The following EML1 variants were observed in gnomAD, a reference collection of about 807,000 sequenced individuals.
EML1 encodes EMAP like 1, also known as echinoderm microtubule-associated protein-like 1.
A neutral mutation model predicts 110.4 loss-of-function variants in EML1; 27 were observed. That is an observed-to-expected ratio of 0.24 (90% CI 0.18 to 0.34). EML1 has a LOEUF of 0.34. EML1 is among the 10% of genes least tolerant of loss of function. The probability of loss-of-function intolerance (pLI) is 1.00; values close to 1 mark genes in which losing one functional copy is unlikely to be tolerated. For synonymous variants in EML1, 344 were observed against 385.8 expected (o/e 0.89, Z 1.27); for missense variants, 741 against 1,030.9 (o/e 0.72, Z 3.85).
At chr14:99,923,723 G>GT (rs1457110481) in intron 17 of EML1, among the ~76,000 whole-genome samples, 2 of 79,268 alleles carry the variant, frequency 2.5e-5, no homozygotes, top group African/African-American at 4.2e-4. Context: ...CAAATTTGTT[G>GT]TTTTTTTCAA....
At chr14:99,756,602 G>A (rs575869317) in intron 1 of EML1, among the ~76,000 whole-genome samples, 9 of 152,276 alleles carry the variant, frequency 5.9e-5, no homozygotes, top group East Asian at 1.9e-4. Context: ...TGGGGTCATC[G>A]ACCCAATTTC....
At chr14:99,891,374 G>A in intron 5 of EML1, 147 bp downstream of exon 5, 4 of 972,106 alleles carry the variant, frequency 4.1e-6, no homozygotes, top group Non-Finnish European at 6.3e-6. Flanking sequence ...TTTGTACCTG[G>A]AGGTTGAATG....
upstream of EML1, among the ~76,000 whole-genome samples, chr14:99,770,798 T>TTC (rs1311089587): frequency 7.3e-6 from 1 of 137,500 alleles, no homozygotes; most frequent in Admixed American, 7.2e-5. Context: ...TTTTTTTTTT[T>TTC]TTTTGAGACG....
chr14:99,910,370 G>A (rs1252512492), intron 12 of EML1, 29 bp downstream of exon 12: 7 of 1,559,066 alleles, frequency 4.5e-6, no homozygotes, highest in Non-Finnish European at 6.2e-6. Flanking sequence ...CAAAACCAAT[G>A]GTTTTTGGTA....
rs1375458038 is a variant in EML1 at position 99,905,176 on chromosome 14, G to C, written c.1009-2462G>C. On this transcript the variant is annotated intron_variant, in intron 9 of 21. Transcript: ENST00000262233. This position sits in a 1 kb window ranked among gnomAD's most constrained non-coding sequence, Gnocchi z 4.1. ...AGCTGGCTGCACCACAGCCCTAGGG[G>C]CCAAGCCACATCATAAAGGAAAATT... 6.6e-6 allele frequency among the ~76,000 whole-genome samples: 1 copy of C among 152,108 alleles called. No homozygotes were observed. The highest frequency in any genetic ancestry group is 6.5e-5 in the Admixed American group (1 of 15,274).
intron 5 of EML1, among the ~76,000 whole-genome samples, chr14:99,893,409 C>T (rs1015532383): frequency 6.6e-6 from 1 of 152,104 alleles, no homozygotes; most frequent in Non-Finnish European, 1.5e-5. Flanking sequence ...ATCCATGGGA[C>T]GCAGTGGCTG....
At chr14:99,822,876 C>G (rs2058287380) in intron 1 of EML1, among the ~76,000 whole-genome samples, 1 of 152,234 alleles carries the variant, frequency 6.6e-6, no homozygotes. Flanking sequence ...CCCGCTCAGG[C>G]TGCTGAAGCG....
Position 99,894,721 on chromosome 14 carries a change from G to GCT in EML1, c.640_641insCT (p.Val214AlafsTer2). 1 of 1,613,470 alleles carries GCT rather than the reference G, an allele frequency of 6.2e-7. No individual in the cohort carries two copies. Among genetic ancestry groups the GCT allele is most frequent in the Non-Finnish European group, 8.5e-7 (1 of 1,179,724 alleles). On this transcript the variant is annotated frameshift_variant, in exon 6 of 22. Coordinates refer to ENST00000262233, the MANE Select transcript of EML1 (RefSeq NM_004434.3). LOFTEE classifies it high-confidence loss of function. ...GGATTCTTACAGCTTGGAAGCAAAA[G>GCT]TAGAACTTCCAACCAAGAGACTCAA...
In EML1 at chr14:99,939,598, G is replaced by A. The variant is rs918660523; in HGVS notation, c.2322+271G>A. On this transcript the variant is annotated intron_variant, in intron 21 of 21. Coordinates refer to ENST00000262233, the MANE Select transcript of EML1 (RefSeq NM_004434.3). The surrounding 1 kb of genome is among the most constrained non-coding windows in gnomAD (Gnocchi z 4.2). ...CCCTCCCCCACGGCTCCCTTGCTCCGGCCCTGCTCAGCCGCGCCAGCCCTG... is the reference window on the plus strand; with the variant it reads ...CCCTCCCCCACGGCTCCCTTGCTCCAGCCCTGCTCAGCCGCGCCAGCCCTG... Among the ~76,000 whole-genome samples the A allele has an allele frequency of 7.2e-5, 11 of 152,140 alleles. No homozygotes were observed. Among genetic ancestry groups the A allele is most frequent in the African/African-American group, 4.8e-5 (2 of 41,510 alleles).
chr14:99,849,919 C>T (rs1297209265), intron 1 of EML1, among the ~76,000 whole-genome samples: 1 of 150,124 alleles, frequency 6.7e-6, no homozygotes, highest in Non-Finnish European at 1.5e-5. Context: ...GTTTTTGCGC[C>T]ACTGCGCTCC....
intron 1 of EML1, among the ~76,000 whole-genome samples, chr14:99,839,772 G>A (rs2058603706): frequency 6.6e-6 from 1 of 152,162 alleles, no homozygotes; most frequent in African/African-American, 2.4e-5. Context: ...TTTTGAGGTG[G>A]GATCGATTCT....
intron 1 of EML1, among the ~76,000 whole-genome samples, chr14:99,817,274 G>A (rs1278772659): frequency 6.6e-6 from 1 of 152,226 alleles, no homozygotes; most frequent in Middle Eastern, 3.2e-3. Flanking sequence ...TCCCTCAGAA[G>A]AAGCTCACAG....
intron 1 of EML1, among the ~76,000 whole-genome samples, chr14:99,780,714 C>A (rs914321701): frequency 6.6e-6 from 1 of 152,122 alleles, no homozygotes; most frequent in Non-Finnish European, 1.5e-5. Context: ...TTTTAATATA[C>A]CTTTTCTCTG....
rs1447642844 is a variant in EML1, at chr14:99,739,117, A to AGT, written c.28+1258_28+1259insTG. 3.5e-3 allele frequency among the ~76,000 whole-genome samples: 222 copies of AGT among 64,166 alleles called. 1 individual carries two copies. Among genetic ancestry groups the AGT allele is most frequent in the African/African-American group, 9.4e-3 (199 of 21,180 alleles). The allele number at this position is 64,166 out of a possible 152,430, so 42.1% of individuals were successfully genotyped here. A position where few individuals can be genotyped will look rare whatever the true frequency, so the allele number is the denominator to read the frequency against. On this transcript the variant is annotated intron_variant, in intron 1 of 10. Transcript: ENST00000554479. Reference sequence around the variant, plus strand: ...GAGAGAGAGAGACAGAGAGAGAGAGAGAGTGTGTGTGTGTGTGTGTGTGTG... The same window carrying AGT: ...GAGAGAGAGAGACAGAGAGAGAGAGAGTGAGTGTGTGTGTGTGTGTGTGTGTG...
chr14:99,741,498 C>G (rs1262973490), intron 1 of EML1, among the ~76,000 whole-genome samples: 1 of 152,134 alleles, frequency 6.6e-6, no homozygotes, highest in Non-Finnish European at 1.5e-5. Context: ...CTCCAAGTAC[C>G]TCTCTCTGCC....
chr14:99,814,947 G>A (rs79965316), intron 1 of EML1, among the ~76,000 whole-genome samples: 5,027 of 152,236 alleles, frequency 0.033, 154 homozygotes, highest in African/African-American at 0.075. Flanking sequence ...GAACAGCTGA[G>A]CTCAGAGAGG....
rs116641241 is a variant in EML1 at position 99,934,562 on chromosome 14, G to A, written c.1910-1467G>A. Among the ~76,000 whole-genome samples, 379 of 152,350 alleles carry A rather than the reference G, an allele frequency of 2.5e-3. 3 individuals are homozygous for A. The highest frequency in any genetic ancestry group is 7.8e-3 in the African/African-American group (325 of 41,582). On this transcript the variant is annotated intron_variant, in intron 17 of 21. Coordinates refer to ENST00000262233, the MANE Select transcript of EML1 (RefSeq NM_004434.3). ...CCTGATGCTTTACGCGCCTGTGAGC[G>A]CAAGGCCCTGTACAAATATTGTCCA...
chr14:99,758,591 A>G (rs1436409740), intron 1 of EML1, among the ~76,000 whole-genome samples: 1 of 152,202 alleles, frequency 6.6e-6, no homozygotes, highest in African/African-American at 2.4e-5. Context: ...TGAGAGCCCC[A>G]GGCCTGCCCA....
chr14:99,774,616 C>T (rs1461526522), intron 1 of EML1, among the ~76,000 whole-genome samples: 1 of 152,212 alleles, frequency 6.6e-6, no homozygotes, highest in Non-Finnish European at 1.5e-5. Flanking sequence ...TGCATAATTT[C>T]AATAGCTCCA....
Sources: allele counts gnomAD v4.1 joint callset (sites outside exome capture counted in the v4.1 genomes callset), GRCh38; gene constraint gnomAD v4.1.1; non-coding constraint Gnocchi (gnomAD v3.1); transcripts MANE v1.5; gene names NCBI Gene and HGNC (gene_info 2026-07-23, HGNC 2026-07-21).